ZNF536: variants seen among roughly 807,000 people sequenced by gnomAD.
ZNF536 encodes the protein zinc finger protein 536.
A neutral mutation model predicts 84.5 loss-of-function variants in ZNF536; 13 were observed. That is an observed-to-expected ratio of 0.15 (90% CI 0.10 to 0.24). The LOEUF is 0.24. Among genes scored for constraint, ZNF536 ranks in the 10% least tolerant of loss-of-function variants. The pLI is 1.00. For missense variants in ZNF536, 1,536 were observed against 1,747.5 expected (o/e 0.88, Z 2.16); for synonymous variants, 811 against 742.5 (o/e 1.09, Z -1.50).
At chr19:30,256,603 G>A (rs2145183295) in intron 1 of ZNF536, among the ~76,000 whole-genome samples, 1 of 152,270 alleles carries the variant, frequency 6.6e-6, no homozygotes, top group Admixed American at 6.5e-5. Flanking sequence ...CCCGAGTGAG[G>A]GCGAATGGTT....
intron 1 of ZNF536, among the ~76,000 whole-genome samples, chr19:30,409,361 G>A (rs1312283842): frequency 6.6e-6 from 1 of 152,198 alleles, no homozygotes; most frequent in Non-Finnish European, 1.5e-5. Context: ...GACATCTCAA[G>A]CCTCGCTAAT....
At chr19:30,575,870 C>A (rs2046713701) in intron 1 of ZNF536, among the ~76,000 whole-genome samples, 1 of 152,144 alleles carries the variant, frequency 6.6e-6, no homozygotes, top group South Asian at 2.1e-4. Flanking sequence ...GTTCAGAGAA[C>A]TTTGGAGAGA....
chr19:30,690,137 C>G (rs1036826482), intron 1 of ZNF536, among the ~76,000 whole-genome samples: 1 of 152,176 alleles, frequency 6.6e-6, no homozygotes, highest in Admixed American at 6.5e-5. Flanking sequence ...AATCATCAAA[C>G]AGTAGGTATT....
At chr19:30,470,666 C>T (rs377017641) in intron 2 of ZNF536, among the ~76,000 whole-genome samples, 15 of 149,550 alleles carry the variant, frequency 1.0e-4, no homozygotes, top group East Asian at 4.0e-4. Flanking sequence ...GAGTCCTGGA[C>T]GGGTATTTTG....
intron 2 of ZNF536, among the ~76,000 whole-genome samples, chr19:30,507,634 G>T (rs1451665041): frequency 6.6e-6 from 1 of 151,918 alleles, no homozygotes. Flanking sequence ...ATATCTAAAA[G>T]GTATTTAAAA....
In ZNF536 at chr19:30,580,216, C is replaced by T. The variant is rs149096186; in HGVS notation, c.169+30702C>T. ...ATTGGGTCCAGGCCACAGAGAGCCC[C>T]GGGCTGGGGACCCCTTCCCTGCTGT... On this transcript the variant is annotated intron_variant, in intron 1 of 1. Transcript: ENST00000592773. Among the ~76,000 whole-genome samples, 518 of 152,318 alleles carry T rather than the reference C, an allele frequency of 3.4e-3. 12 individuals carry two copies. Among genetic ancestry groups the T allele is most frequent in the Admixed American group, 0.03 (465 of 15,304 alleles).
intron 1 of ZNF536, among the ~76,000 whole-genome samples, chr19:30,697,785 G>T (rs1390137230): frequency 2.6e-5 from 4 of 152,182 alleles, no homozygotes; most frequent in South Asian, 2.1e-4. Context: ...TCCTTGGGTT[G>T]CAGGCCCAGC....
chr19:30,463,661 C>G (rs553504052), intron 2 of ZNF536, among the ~76,000 whole-genome samples: 1 of 152,298 alleles, frequency 6.6e-6, no homozygotes, highest in East Asian at 1.9e-4. Context: ...TCTCTCAGCA[C>G]AAAAGGCACT....
At chr19:30,240,072 G>T (rs1181314384) in intron 1 of ZNF536, among the ~76,000 whole-genome samples, 1 of 152,156 alleles carries the variant, frequency 6.6e-6, no homozygotes, top group African/African-American at 2.4e-5. Flanking sequence ...TGGTTGTGTT[G>T]TAAGAATTCT....
chr19:30,505,735 G>A (rs986057250), intron 2 of ZNF536, among the ~76,000 whole-genome samples: 46 of 151,848 alleles, frequency 3.0e-4, no homozygotes, highest in Non-Finnish European at 2.8e-4. Context: ...GCATGATCTC[G>A]GCTCACTGCA....
At chr19:30,513,153 A>G (rs978429082) in intron 2 of ZNF536, among the ~76,000 whole-genome samples, 7 of 152,178 alleles carry the variant, frequency 4.6e-5, no homozygotes, top group Non-Finnish European at 8.8e-5. Context: ...AATCAAAACC[A>G]CAAAACAATT....
At chr19:30,560,680 G>A (rs1355311531), downstream of ZNF536, among the ~76,000 whole-genome samples, 2 of 152,214 alleles carry the variant, frequency 1.3e-5, no homozygotes, top group Non-Finnish European at 2.9e-5. Flanking sequence ...TGCAGTAAGA[G>A]AGTCTTCAGA....
chr19:30,446,248 CAAAAAAAAAAA>C (rs1177505634), intron 2 of ZNF536, among the ~76,000 whole-genome samples: 1 of 29,178 alleles, frequency 3.4e-5, no homozygotes, highest in African/African-American at 1.5e-4. Flanking sequence ...GACACTGTCT[CAAAAAAAAAAA>C]AAAAAAAAAA....
At chr19:30,399,744 G>A (rs2049971447) in intron 1 of ZNF536, among the ~76,000 whole-genome samples, 2 of 145,922 alleles carry the variant, frequency 1.4e-5, no homozygotes, top group Admixed American at 1.4e-4. Context: ...CTGGAGTGCA[G>A]TGGTGTGATC....
chr19:30,289,625 G>A (rs1173261713), intron 2 of ZNF536, among the ~76,000 whole-genome samples: 1 of 152,208 alleles, frequency 6.6e-6, no homozygotes, highest in Non-Finnish European at 1.5e-5. Context: ...TCTATGCCTG[G>A]ATGATTATTG....
At chr19:30,670,226 C>CCT (rs1173608238) in intron 1 of ZNF536, among the ~76,000 whole-genome samples, 3 of 152,194 alleles carry the variant, frequency 2.0e-5, no homozygotes, top group Non-Finnish European at 2.9e-5. Flanking sequence ...TAGGGCCCAG[C>CCT]CTCAGGCTTC....
At chr19:30,673,869 G>A (rs1387049616) in intron 1 of ZNF536, among the ~76,000 whole-genome samples, 1 of 152,168 alleles carries the variant, frequency 6.6e-6, no homozygotes, top group Non-Finnish European at 1.5e-5. Context: ...TAATCTAATA[G>A]AGTTTAGATT....
chr19:30,669,146 C>G (rs1420124013), intron 1 of ZNF536, among the ~76,000 whole-genome samples: 1 of 152,238 alleles, frequency 6.6e-6, no homozygotes, highest in Non-Finnish European at 1.5e-5. Flanking sequence ...GAGCAATTGT[C>G]CCAATGCCAC....
chr19:30,654,286 C>T (rs1487969320), intron 1 of ZNF536, among the ~76,000 whole-genome samples: 1 of 152,134 alleles, frequency 6.6e-6, no homozygotes, highest in Non-Finnish European at 1.5e-5. Flanking sequence ...CACCCAGTTC[C>T]TAGGTGGGCA....
Sources: gnomAD v4.1 joint callset for allele counts (sites outside exome capture counted in the v4.1 genomes callset) on GRCh38, gnomAD v4.1.1 for gene constraint, MANE v1.5 for transcripts, NCBI Gene and HGNC (gene_info 2026-07-23, HGNC 2026-07-21) for gene names.